The following AR variants were observed in gnomAD, a reference collection of about 807,000 sequenced individuals.
AR encodes the protein dihydrotestosterone receptor.
AR carries 8 observed loss-of-function variants against 53.9 expected under a neutral mutation model. The observed-to-expected ratio is 0.15, with a 90% CI of 0.09 to 0.27. The LOEUF (loss-of-function observed/expected upper bound fraction) is 0.27. AR is among the 10% of genes least tolerant of loss of function. The pLI, the probability that AR is intolerant of heterozygous loss-of-function variation, is 1.00. For synonymous variants in AR, 359 were observed against 316.4 expected (o/e 1.13, Z -1.43); for missense variants, 639 against 742.5 (o/e 0.86, Z 1.62).
At chrX:67,664,340 G>A (rs1362237836) in intron 2 of AR, among the ~76,000 whole-genome samples, 1 of 111,918 alleles carries the variant, frequency 8.9e-6, no homozygotes, top group South Asian at 3.7e-4. Context: ...CTTCTGTCAG[G>A]ACCCTCAGCT....
intron 1 of AR, among the ~76,000 whole-genome samples, chrX:67,637,720 C>T (rs1925516148): frequency 9.0e-6 from 1 of 111,327 alleles, no homozygotes; most frequent in Non-Finnish European, 1.9e-5. Flanking sequence ...TCAGGCTTAA[C>T]TGAAACTTTA....
rs1929699223 is a variant in AR at position 67,545,795 on chromosome X, G to T, written c.649G>T (p.Ala217Ser). 1 of 1,212,134 alleles carries T rather than the reference G, an allele frequency of 8.2e-7. No individual in the cohort carries two copies. The highest frequency in any genetic ancestry group is 1.8e-5 in the South Asian group (1 of 56,989). ...SSGRAREASG[A>S]PTSSKDNYLG... ...CGGGAGAGCGAGGGAGGCCTCGGGGGCTCCCACTTCCTCCAAGGACAATTA... is the reference window on the plus strand; with the variant it reads ...CGGGAGAGCGAGGGAGGCCTCGGGGTCTCCCACTTCCTCCAAGGACAATTA... Residue 217 changes from alanine (A) to serine (S), a missense_variant, in exon 1 of 8, where the codon GCT becomes TCT. Coordinates refer to ENST00000374690, the MANE Select transcript of AR (RefSeq NM_000044.6).
rs1374058188 is a variant in AR, at chrX:67,632,485, G to A, written c.1617-10771G>A. Among the ~76,000 whole-genome samples the A allele has an allele frequency of 1.2e-4, 14 of 112,216 alleles. No individual in the cohort carries two copies. In the Admixed American group the frequency reaches 1.3e-3, roughly 11 times the overall value. The stretch of plus-strand genomic sequence containing the variant: ...CGCTTCCCGAGTGAGGCAATGCCTC[G>A]CCCTGCTTCGGCTCACACACGGTGC... On this transcript the variant is annotated intron_variant, in intron 1 of 7. Coordinates refer to ENST00000374690, the MANE Select transcript of AR (RefSeq NM_000044.6).
chrX:67,705,385 G>A (rs2076061880), intron 3 of AR, among the ~76,000 whole-genome samples: 1 of 111,315 alleles, frequency 9.0e-6, no homozygotes, highest in African/African-American at 3.3e-5. Flanking sequence ...TGGATTCCTA[G>A]GTATTTTATT....
At chrX:67,706,074 C>T (rs1250162272) in intron 3 of AR, among the ~76,000 whole-genome samples, 2 of 111,737 alleles carry the variant, frequency 1.8e-5, no homozygotes, top group African/African-American at 3.3e-5. Context: ...TTTTTTGCAT[C>T]GATATTCATC....
intron 1 of AR, among the ~76,000 whole-genome samples, chrX:67,599,965 G>T (rs1923275794): frequency 9.0e-6 from 1 of 111,414 alleles, no homozygotes; most frequent in Non-Finnish European, 1.9e-5. Context: ...ATGCAAATGT[G>T]CATATACCAA....
intron 5 of AR, among the ~76,000 whole-genome samples, chrX:67,721,055 T>G: frequency 9.0e-6 from 1 of 111,303 alleles, no homozygotes; most frequent in African/African-American, 3.3e-5. Context: ...CCCATATAAT[T>G]TATAGGTGAT....
intron 2 of AR, among the ~76,000 whole-genome samples, chrX:67,677,376 G>A (rs975931197): frequency 9.0e-6 from 1 of 111,325 alleles, no homozygotes; most frequent in South Asian, 3.8e-4. Context: ...TCAGAATTGA[G>A]GTATATTGTA....
At chrX:67,555,588 T>G (rs1031871250) in intron 1 of AR, among the ~76,000 whole-genome samples, 1 of 112,495 alleles carries the variant, frequency 8.9e-6, no homozygotes, top group African/African-American at 3.2e-5. Context: ...TCCTGCCTTC[T>G]AAGTTTCCAT....
intron 1 of AR, among the ~76,000 whole-genome samples, chrX:67,605,875 G>A (rs1242520788): frequency 6.3e-5 from 7 of 111,548 alleles, no homozygotes; most frequent in Admixed American, 4.8e-4. Flanking sequence ...TATTTTGTCA[G>A]GTAACATAAT....
At chrX:67,587,476 G>A (rs5965426) in intron 1 of AR, among the ~76,000 whole-genome samples, 2 of 112,039 alleles carry the variant, frequency 1.8e-5, no homozygotes, top group Non-Finnish European at 3.8e-5. Flanking sequence ...ATAGAAGATG[G>A]TTCCAGTACA....
intron 1 of AR, among the ~76,000 whole-genome samples, chrX:67,561,995 C>T (rs1480143134): frequency 2.2e-5 from 2 of 89,205 alleles, no homozygotes; most frequent in Non-Finnish European, 4.1e-5. Flanking sequence ...GGCTGGAGTG[C>T]AATGGCGCAA....
Position 67,634,064 on chromosome X carries a change from C to G in AR, c.1617-9192C>G, listed in dbSNP as rs192692938. ...ACTCAGTAAGCCCATTAAAAACAAC[C>G]TAATTAAATTAAAACCAAGCTATAA... On this transcript the variant is annotated intron_variant, in intron 1 of 7. Coordinates refer to ENST00000374690, the MANE Select transcript of AR (RefSeq NM_000044.6). Among the ~76,000 whole-genome samples the G allele has an allele frequency of 1.2e-3, 132 of 111,044 alleles. 1 individual carries two copies. The highest frequency in any genetic ancestry group is 0.011 in the East Asian group (39 of 3,530).
At chrX:67,603,764 T>C (rs898135139) in intron 1 of AR, among the ~76,000 whole-genome samples, 1 of 111,211 alleles carries the variant, frequency 9.0e-6, no homozygotes, top group African/African-American at 3.3e-5. Flanking sequence ...CTAGCAATAG[T>C]GTAGATAAGG....
intron 3 of AR, among the ~76,000 whole-genome samples, chrX:67,701,183 T>C (rs2076040776): frequency 9.0e-6 from 1 of 111,716 alleles, no homozygotes; most frequent in Non-Finnish European, 1.9e-5. Context: ...AATTTTTTAA[T>C]GTTGTAATTA....
At chrX:67,604,657 G>A (rs991621143) in intron 1 of AR, among the ~76,000 whole-genome samples, 14 of 111,048 alleles carry the variant, frequency 1.3e-4, no homozygotes, top group African/African-American at 4.6e-4. Flanking sequence ...TGGATTCTTT[G>A]GCCCCTCCTC....
At chrX:67,644,560 T>C (rs1373603916) in intron 2 of AR, among the ~76,000 whole-genome samples, 1 of 111,941 alleles carries the variant, frequency 8.9e-6, no homozygotes, top group Non-Finnish European at 1.9e-5. Context: ...CATCAGAATA[T>C]GGAAGAAGCA....
intron 1 of AR, among the ~76,000 whole-genome samples, chrX:67,617,828 A>G (rs1602195786): frequency 8.9e-6 from 1 of 111,814 alleles, no homozygotes; most frequent in Non-Finnish European, 1.9e-5. Flanking sequence ...GGCAGATTCC[A>G]GAGAAGAAAC....
intron 1 of AR, among the ~76,000 whole-genome samples, chrX:67,637,758 C>A (rs754896470): frequency 4.5e-5 from 5 of 111,349 alleles, no homozygotes; most frequent in Non-Finnish European, 9.4e-5. Context: ...CACTCCATTT[C>A]CGTTTCTTAA....
Sources: gnomAD v4.1 joint callset for allele counts (sites outside exome capture counted in the v4.1 genomes callset) on GRCh38, gnomAD v4.1.1 for gene constraint, MANE v1.5 for transcripts, NCBI Gene and HGNC (gene_info 2026-07-23, HGNC 2026-07-21) for gene names.